Variants in SIK2 observed in about 807,000 individuals in gnomAD.
The protein encoded by SIK2 is salt inducible kinase 2.
Under a neutral mutation model 103.2 loss-of-function variants are expected in SIK2, and 29 were observed. The ratio of observed to expected loss-of-function variants is 0.28; its 90% CI spans 0.21 to 0.38. The LOEUF (loss-of-function observed/expected upper bound fraction) is 0.38, where lower values mean the gene tolerates loss of function less well. Among genes scored for constraint, SIK2 ranks in the 10% least tolerant of loss-of-function variants. The probability of loss-of-function intolerance (pLI) is 1.00; values close to 1 mark genes in which losing one functional copy is unlikely to be tolerated. For synonymous variants in SIK2, 412 were observed against 446.1 expected, an observed-to-expected ratio of 0.92 and a Z score of 0.96; for missense variants, 879 against 1,171.0, an observed-to-expected ratio of 0.75 and a Z score of 3.64.
intron 9 of SIK2, among the ~76,000 whole-genome samples, chr11:111,715,990 T>A (rs1185273633): frequency 6.6e-6 from 1 of 151,962 alleles, no homozygotes; most frequent in Non-Finnish European, 1.5e-5. Context: ...TTAGTAGAGA[T>A]GGGGTTTTGC....
At chr11:111,685,905 T>A (rs1234664591) in intron 3 of SIK2, among the ~76,000 whole-genome samples, 1 of 152,078 alleles carries the variant, frequency 6.6e-6, no homozygotes, top group Non-Finnish European at 1.5e-5. Context: ...AACAGGAGTC[T>A]AGTAAAGATG....
At position 111,723,984 on chromosome 11, in the gene SIK2, G is replaced by C; in HGVS notation, c.2636G>C (p.Gly879Ala). 2 of 1,614,168 alleles carry C rather than the reference G, an allele frequency of 1.2e-6. No homozygotes were observed. The highest frequency in any genetic ancestry group is 1.7e-6 in the Non-Finnish European group (2 of 1,180,028). The change falls in exon 15 of 15, where the codon GGG becomes GCG. Residue 879 changes from glycine (G) to alanine (A), a missense_variant. Transcript: ENST00000304987. ...VDGAQQSDLT[G>A]PDCPRSPGLQ... is the part of the protein sequence containing the mutation. ...GGAGCCCAGCAGAGCGACCTAACGGGGCCAGACTGTCCCAGAAGCCCAGGA... is the reference window on the plus strand; with the variant it reads ...GGAGCCCAGCAGAGCGACCTAACGGCGCCAGACTGTCCCAGAAGCCCAGGA...
intron 3 of SIK2, among the ~76,000 whole-genome samples, chr11:111,666,424 A>G (rs1418446262): frequency 6.6e-6 from 1 of 152,164 alleles, no homozygotes. Context: ...TTATATTTGT[A>G]ACAGAAAGAT....
At chr11:111,625,160 TA>T (rs1303049283) in intron 3 of SIK2, among the ~76,000 whole-genome samples, 1 of 152,190 alleles carries the variant, frequency 6.6e-6, no homozygotes, top group Admixed American at 6.5e-5. Flanking sequence ...CTTACATGAA[TA>T]AAATTAGGGA....
intron 3 of SIK2, among the ~76,000 whole-genome samples, chr11:111,655,340 G>A (rs143705195): frequency 0.027 from 4,047 of 152,238 alleles, 81 homozygotes; most frequent in Middle Eastern, 0.082. Flanking sequence ...GGAGGCGGAG[G>A]TTGCAGTGAG....
Position 111,688,786 on chromosome 11 carries a change from G to T in SIK2, c.478+624G>T, listed in dbSNP as rs575972372. Among the ~76,000 whole-genome samples, 1 of 152,100 alleles carries T rather than the reference G, an allele frequency of 6.6e-6. No homozygotes were observed. Among genetic ancestry groups the T allele is most frequent in the East Asian group, 1.9e-4 (1 of 5,190 alleles). ...CATTCACTCAATAAATATGTATCAG[G>T]TACTGTGCTATGTTAAGTACAATAT... On this transcript the variant is annotated intron_variant, in intron 4 of 14. Transcript: ENST00000304987. The surrounding 1 kb of genome is among the most constrained non-coding windows in gnomAD (Gnocchi z 4.2).
intron 3 of SIK2, among the ~76,000 whole-genome samples, chr11:111,627,262 T>C (rs1036423384): frequency 5.3e-5 from 8 of 152,116 alleles, no homozygotes; most frequent in African/African-American, 1.9e-4. Context: ...GTGAAAAATA[T>C]GTACATTAGT....
In SIK2 at chr11:111,705,042, A is replaced by G; in HGVS notation, c.1004A>G (p.Glu335Gly). Reference protein sequence around the residue: ...HFAAIYFLLVERLKSHRSSFP... With the variant: ...HFAAIYFLLVGRLKSHRSSFP... ...GCTGCCATTTATTTCTTGTTGGTGG[A>G]GCGCCTGAAATCACATCGGAGCAGT... Residue 335 changes from glutamate (E) to glycine (G), a missense_variant, in exon 8 of 15, where the codon GAG (glutamate) becomes GGG (glycine). Coordinates refer to ENST00000304987, the MANE Select transcript of SIK2 (RefSeq NM_015191.3). This position sits in a 1 kb window ranked among gnomAD's most constrained non-coding sequence, Gnocchi z 4.3. The G allele has an allele frequency of 6.2e-7, 1 of 1,611,318 alleles. No individual in the cohort carries two copies. Among genetic ancestry groups the G allele is most frequent in the Non-Finnish European group, 8.5e-7 (1 of 1,179,124 alleles).
intron 4 of SIK2, among the ~76,000 whole-genome samples, chr11:111,689,870 G>A (rs1942904017): frequency 6.6e-6 from 1 of 151,850 alleles, no homozygotes; most frequent in Non-Finnish European, 1.5e-5. Context: ...TACAGGATAT[G>A]TAATGGATTT....
At chr11:111,650,153 A>G (rs1942309660) in intron 3 of SIK2, among the ~76,000 whole-genome samples, 1 of 152,060 alleles carries the variant, frequency 6.6e-6, no homozygotes, top group Non-Finnish European at 1.5e-5. Flanking sequence ...ACAGCTTAAT[A>G]TCCTTAATTT....
intron 3 of SIK2, among the ~76,000 whole-genome samples, chr11:111,662,128 G>A (rs369774423): frequency 6.6e-6 from 1 of 152,200 alleles, no homozygotes; most frequent in African/African-American, 2.4e-5. Context: ...CATTATGAAA[G>A]CAGTGTTTTA....
At chr11:111,669,455 G>T (rs903172577) in intron 3 of SIK2, among the ~76,000 whole-genome samples, 1 of 151,942 alleles carries the variant, frequency 6.6e-6, no homozygotes, top group Non-Finnish European at 1.5e-5. Context: ...CCAAAATCAG[G>T]CATGGTGGTG....
chr11:111,707,273 T>C (rs1943375141), intron 8 of SIK2, among the ~76,000 whole-genome samples: 1 of 152,246 alleles, frequency 6.6e-6, no homozygotes, highest in African/African-American at 2.4e-5. Context: ...TGAGGGGTTA[T>C]ATAAACAGTT....
At chr11:111,668,215 C>T (rs1034325984) in intron 3 of SIK2, among the ~76,000 whole-genome samples, 8 of 150,714 alleles carry the variant, frequency 5.3e-5, no homozygotes, top group African/African-American at 1.2e-4. Context: ...TTTGTGCACA[C>T]GCATGCATGT....
In SIK2 at chr11:111,707,589, C is replaced by T. The variant is rs535897475; in HGVS notation, c.1101+2450C>T. On this transcript the variant is annotated intron_variant, in intron 8 of 14. Transcript: ENST00000304987. ...CTTCTGGATGCTGAGCAACAGGCCC[C>T]CTCCTCTCAGAGATTTCACATTTTG... Among the ~76,000 whole-genome samples the T allele has an allele frequency of 1.1e-3, 166 of 152,226 alleles. 1 individual carries two copies. The highest frequency in any genetic ancestry group is 3.8e-3 in the African/African-American group (158 of 41,532).
intron 9 of SIK2, among the ~76,000 whole-genome samples, chr11:111,718,028 A>G (rs1245834183): frequency 2.6e-5 from 4 of 152,178 alleles, no homozygotes; most frequent in African/African-American, 7.2e-5. Flanking sequence ...ACGTTTACCT[A>G]TGTAACAAAC....
intron 7 of SIK2, among the ~76,000 whole-genome samples, chr11:111,703,839 T>C (rs1943273489): frequency 6.6e-6 from 1 of 152,102 alleles, no homozygotes; most frequent in Non-Finnish European, 1.5e-5. Flanking sequence ...GGGATTTAGA[T>C]TGTGAACTGG....
chr11:111,631,486 G>T (rs1194639098), intron 3 of SIK2, among the ~76,000 whole-genome samples: 2 of 152,144 alleles, frequency 1.3e-5, no homozygotes, highest in Non-Finnish European at 2.9e-5. Flanking sequence ...GCATGTAAGA[G>T]TTGCTGTGGT....
chr11:111,722,805 T>C lies in SIK2; in HGVS notation c.2147+49T>C. On this transcript the variant is annotated intron_variant, in intron 14 of 14. Transcript: ENST00000304987. The surrounding 1 kb of genome is among the most constrained non-coding windows in gnomAD (Gnocchi z 4.4). The stretch of plus-strand genomic sequence containing the variant: ...GAAGTTGCTTCCTTTTCTGGAAGCC[T>C]TGAGAACACTGAATGTGTTGTCCTT... The C allele has an allele frequency of 6.5e-7, 1 of 1,529,208 alleles. No individual in the cohort carries two copies. The highest frequency in any genetic ancestry group is 9.0e-7 in the Non-Finnish European group (1 of 1,107,680). The allele number at this position is 1,529,208 out of a possible 1,614,324, so 94.7% of individuals were successfully genotyped here.
Sources: allele counts gnomAD v4.1 joint callset (sites outside exome capture counted in the v4.1 genomes callset), GRCh38; gene constraint gnomAD v4.1.1; non-coding constraint Gnocchi (gnomAD v3.1); transcripts MANE v1.5; gene names NCBI Gene and HGNC (gene_info 2026-07-23, HGNC 2026-07-21).